The following CA8 variants were observed in gnomAD, a reference collection of about 807,000 sequenced individuals.
CA8 encodes the protein carbonic anhydrase-related protein.
A neutral mutation model predicts 41.4 loss-of-function variants in CA8; 22 were observed. That is an observed-to-expected ratio of 0.53 (90% CI 0.38 to 0.76). CA8 has a LOEUF of 0.76. CA8 is among the 30% of genes least tolerant of loss of function. The probability of loss-of-function intolerance (pLI) is 0.00; values close to 1 mark genes in which losing one functional copy is unlikely to be tolerated. For missense variants in CA8, 270 were observed against 352.8 expected (o/e 0.77, Z 1.88); for synonymous variants, 121 against 130.6 (o/e 0.93, Z 0.50).
chr8:60,217,425 T>C (rs1807059383), intron 7 of CA8, among the ~76,000 whole-genome samples: 2 of 152,188 alleles, frequency 1.3e-5, no homozygotes, highest in Admixed American at 6.5e-5. Flanking sequence ...ATGGCTTCTC[T>C]AACCATCACA....
At chr8:60,206,770 T>C (rs903458523) in intron 8 of CA8, among the ~76,000 whole-genome samples, 7 of 152,008 alleles carry the variant, frequency 4.6e-5, no homozygotes, top group Non-Finnish European at 1.0e-4. Context: ...AGAGTGCCCA[T>C]CCTCTCAGCA....
chr8:60,250,783 A>G (rs188847053), intron 3 of CA8, among the ~76,000 whole-genome samples: 1 of 152,320 alleles, frequency 6.6e-6, no homozygotes. Flanking sequence ...AATAAATTTC[A>G]TAACTGTGTA....
intron 3 of CA8, among the ~76,000 whole-genome samples, chr8:60,234,760 G>A (rs971392328): frequency 6.6e-6 from 1 of 152,076 alleles, no homozygotes; most frequent in Non-Finnish European, 1.5e-5. Flanking sequence ...GGCGGTTCCA[G>A]GGCAGAAGAG....
intron 3 of CA8, among the ~76,000 whole-genome samples, chr8:60,260,162 T>A (rs983096067): frequency 1.3e-5 from 2 of 152,166 alleles, no homozygotes; most frequent in Non-Finnish European, 2.9e-5. Flanking sequence ...AGAGCAGAAG[T>A]CAGTTCATGG....
rs2130356820 is a variant in CA8 at position 60,185,893 on chromosome 8, G to T, written c.*4128C>A. 6.6e-6 allele frequency among the ~76,000 whole-genome samples: 1 copy of T among 151,348 alleles called. No homozygotes were observed. The highest frequency in any genetic ancestry group is 1.5e-5 in the Non-Finnish European group (1 of 67,850). On this transcript the variant is annotated 3_prime_UTR_variant, in exon 9 of 9. Coordinates refer to ENST00000317995, the MANE Select transcript of CA8 (RefSeq NM_004056.6). Reference sequence around the variant, plus strand: ...CTGGTAAATGTAATTATGTAATTATGAAAGACAGTATAAATGCATTTCTTC... The same window carrying T: ...CTGGTAAATGTAATTATGTAATTATTAAAGACAGTATAAATGCATTTCTTC...
intron 3 of CA8, among the ~76,000 whole-genome samples, chr8:60,244,721 T>C (rs374042651): frequency 7.2e-5 from 11 of 152,330 alleles, no homozygotes; most frequent in South Asian, 6.2e-4. Flanking sequence ...ACTATTACAA[T>C]TTACAATAAA....
intron 3 of CA8, among the ~76,000 whole-genome samples, chr8:60,264,154 G>A (rs1049171553): frequency 2.0e-5 from 3 of 152,136 alleles, no homozygotes; most frequent in South Asian, 2.1e-4. Flanking sequence ...CTGGACATTC[G>A]GTCCGGAAAT....
chr8:60,247,073 C>T (rs1291503175), intron 3 of CA8, among the ~76,000 whole-genome samples: 1 of 151,686 alleles, frequency 6.6e-6, no homozygotes, highest in Admixed American at 6.6e-5. Flanking sequence ...TTAGTAGAGA[C>T]GGGGTTTCAC....
intron 7 of CA8, among the ~76,000 whole-genome samples, chr8:60,219,193 C>G (rs1807144655): frequency 6.7e-6 from 1 of 149,550 alleles, no homozygotes; most frequent in Admixed American, 6.7e-5. Context: ...GAGTCTCGCT[C>G]TGTTGCCCAG....
At chr8:60,217,340 T>C (rs1807056809) in intron 7 of CA8, among the ~76,000 whole-genome samples, 1 of 152,236 alleles carries the variant, frequency 6.6e-6, no homozygotes, top group Non-Finnish European at 1.5e-5. Context: ...TATCACTTTT[T>C]AGTCCTTAAC....
chr8:60,226,053 T>A (rs6471850), intron 5 of CA8, among the ~76,000 whole-genome samples: 1 of 152,206 alleles, frequency 6.6e-6, no homozygotes, highest in South Asian at 2.1e-4. Context: ...CACCTTCTCT[T>A]GGATATTATC....
intron 2 of CA8, among the ~76,000 whole-genome samples, chr8:60,271,575 T>A (rs1804075351): frequency 6.6e-6 from 1 of 152,162 alleles, no homozygotes; most frequent in South Asian, 2.1e-4. Context: ...AAATTAGTAT[T>A]GAGAATTACA....
At chr8:60,267,007 T>C (rs1452928854) in intron 2 of CA8, among the ~76,000 whole-genome samples, 2 of 152,200 alleles carry the variant, frequency 1.3e-5, no homozygotes, top group African/African-American at 4.8e-5. Context: ...TTGAAACAGA[T>C]TGTCCTTTTG....
chr8:60,263,636 T>C (rs1198503584), intron 3 of CA8, among the ~76,000 whole-genome samples: 1 of 152,230 alleles, frequency 6.6e-6, no homozygotes, highest in East Asian at 1.9e-4. Flanking sequence ...GAGGTGGCCC[T>C]TGGTGGCAGT....
rs1227066195 is a variant in CA8, at chr8:60,186,029, C to T, written c.*3992G>A. 6.6e-6 allele frequency among the ~76,000 whole-genome samples: 1 copy of T among 151,918 alleles called. No individual in the cohort carries two copies. Among genetic ancestry groups the T allele is most frequent in the Non-Finnish European group, 1.5e-5 (1 of 67,906 alleles). On this transcript the variant is annotated 3_prime_UTR_variant, in exon 9 of 9. Coordinates refer to ENST00000317995, the MANE Select transcript of CA8 (RefSeq NM_004056.6). The stretch of plus-strand genomic sequence containing the variant: ...ACAACACAAAGGAGGTAAATAAGAA[C>T]AAAGTAGTACTGGAGTAAGAAATCA...
At chr8:60,276,268 C>T (rs1804231257) in intron 2 of CA8, among the ~76,000 whole-genome samples, 1 of 152,122 alleles carries the variant, frequency 6.6e-6, no homozygotes, top group Admixed American at 6.5e-5. Context: ...GGGGACTTCC[C>T]AGGCTTGAGG....
At chr8:60,266,096 C>G (rs1292973058) in intron 2 of CA8, 47 bp from the exon 3 acceptor site, 1 of 1,586,296 alleles carries the variant, frequency 6.3e-7, no homozygotes, top group African/African-American at 1.4e-5. Context: ...ACATTTACCT[C>G]AGCATTATAA....
At chr8:60,238,791 T>C (rs952444549) in intron 3 of CA8, among the ~76,000 whole-genome samples, 1 of 152,102 alleles carries the variant, frequency 6.6e-6, no homozygotes, top group African/African-American at 2.4e-5. Context: ...AAACCAAGCA[T>C]GACCCTGACT....
intron 2 of CA8, among the ~76,000 whole-genome samples, chr8:60,277,943 T>C (rs943365244): frequency 3.3e-5 from 5 of 152,158 alleles, no homozygotes; most frequent in Non-Finnish European, 5.9e-5. Flanking sequence ...TTCTGGATCA[T>C]GAGTATCCAA....
Sources: gnomAD v4.1 joint callset for allele counts (sites outside exome capture counted in the v4.1 genomes callset) on GRCh38, gnomAD v4.1.1 for gene constraint, MANE v1.5 for transcripts, NCBI Gene and HGNC (gene_info 2026-07-23, HGNC 2026-07-21) for gene names.